C6orf47: variants seen among roughly 807,000 people sequenced by gnomAD.
C6orf47 encodes uncharacterized protein C6orf47.
Under a neutral mutation model 5.6 loss-of-function variants are expected in C6orf47, and 1 was observed. The ratio of observed to expected loss-of-function variants is 0.18; its 90% CI spans 0.06 to 0.85. C6orf47 has a LOEUF of 0.85. Ranked by LOEUF, C6orf47 falls within the 40% of genes least tolerant of loss-of-function variation. The pLI, the probability that C6orf47 is intolerant of heterozygous loss-of-function variation, is 0.70. For missense variants in C6orf47, 323 were observed against 367.1 expected (o/e 0.88, Z 0.98); for synonymous variants, 149 against 161.7 (o/e 0.92, Z 0.60).
chr6:31,659,186 C>A lies in C6orf47; in HGVS notation c.762G>T (p.Gln254His). Reference sequence around the variant, plus strand: ...GGAGGCTGACAGCCAGCACCAAGGCCTGCAGGAGACCAAAGAGGCAGGCGA... The same window carrying A: ...GGAGGCTGACAGCCAGCACCAAGGCATGCAGGAGACCAAAGAGGCAGGCGA... ...LHFACLFGLL[Q>H]ALVLAVSLRE... Residue 254 changes from glutamine (Q) to histidine (H), a missense_variant, in exon 1 of 1, where the codon CAG (glutamine) becomes CAT (histidine). Transcript: ENST00000375911. The surrounding 1 kb of genome is among the most constrained non-coding windows in gnomAD (Gnocchi z 5.6). 2 of 1,613,080 alleles carry A rather than the reference C, an allele frequency of 1.2e-6. No individual in the cohort carries two copies. The highest frequency in any genetic ancestry group is 1.6e-4 in the Middle Eastern group (1 of 6,062).
rs1800689375 is a variant in C6orf47, at chr6:31,660,456, G to A, written c.-509C>T. On this transcript the variant is annotated 5_prime_UTR_variant, in exon 1 of 1. Coordinates refer to ENST00000375911, the MANE Select transcript of C6orf47 (RefSeq NM_021184.4). This position sits in a 1 kb window ranked among gnomAD's most constrained non-coding sequence, Gnocchi z 4.7. ...AACTGCTGCCCCAAGGGACCTCAAG[G>A]AATAGGAATTCTCTTTGTTAGGAGG... 1 of 173,352 alleles carries A rather than the reference G, an allele frequency of 5.8e-6. No individual in the cohort carries two copies. Among genetic ancestry groups the A allele is most frequent in the Admixed American group, 6.4e-5 (1 of 15,554 alleles). 10.7% of individuals were successfully genotyped at this position (173,352 alleles called of 1,614,324 possible).
In C6orf47 at chr6:31,658,961, T is replaced by C; in HGVS notation, c.*102A>G. On this transcript the variant is annotated 3_prime_UTR_variant, in exon 1 of 1. Transcript: ENST00000375911. Reference sequence around the variant, plus strand: ...GGGCCCTGCACCCTCGTACTCGGGTTTCTTCCCCATCCCTGAGGTCCCTAT... The same window carrying C: ...GGGCCCTGCACCCTCGTACTCGGGTCTCTTCCCCATCCCTGAGGTCCCTAT... 1 of 1,388,816 alleles carries C rather than the reference T, an allele frequency of 7.2e-7. No homozygotes were observed. The highest frequency in any genetic ancestry group is 1.3e-5 in the South Asian group (1 of 75,052). The allele number at this position is 1,388,816 out of a possible 1,614,324, so 86.0% of individuals were successfully genotyped here.
rs1015885964 is a variant in C6orf47 at position 31,660,275 on chromosome 6, T to A, written c.-328A>T. ...TCACCACCAGAGAGTCCTCTCTGCGTTTCCGGATTTCCTTCCCAGCAGGCA... is the reference window on the plus strand; with the variant it reads ...TCACCACCAGAGAGTCCTCTCTGCGATTCCGGATTTCCTTCCCAGCAGGCA... On this transcript the variant is annotated 5_prime_UTR_variant, in exon 1 of 1. Transcript: ENST00000375911. This position sits in a 1 kb window ranked among gnomAD's most constrained non-coding sequence, Gnocchi z 4.7. 1.3e-4 allele frequency: 44 copies of A among 349,710 alleles called. 1 individual carries two copies. Among genetic ancestry groups the A allele is most frequent in the Non-Finnish European group, 2.1e-4 (38 of 184,544 alleles). 21.7% of individuals were successfully genotyped at this position (349,710 alleles called of 1,614,324 possible). A position where few individuals can be genotyped will look rare whatever the true frequency, so the allele number is the denominator to read the frequency against.
Position 31,659,924 on chromosome 6 carries a change from GCCA to G in C6orf47, c.21_23del (p.Gly8del). 3 of 1,582,190 alleles carry G rather than the reference GCCA, an allele frequency of 1.9e-6. No individual in the cohort carries two copies. Among genetic ancestry groups the G allele is most frequent in the Non-Finnish European group, 2.6e-6 (3 of 1,163,186 alleles). ...GGCGGCCCCAAGGGCGAGGTAGCCA[GCCA>G]CCAAGCCGTCGCAGGAACATGGCTG... On this transcript the variant is annotated inframe_deletion, in exon 1 of 1. Coordinates refer to ENST00000375911, the MANE Select transcript of C6orf47 (RefSeq NM_021184.4). The surrounding 1 kb of genome is among the most constrained non-coding windows in gnomAD (Gnocchi z 5.6).
At position 31,659,083 on chromosome 6, in the gene C6orf47, C is replaced by T. The variant is rs1307790164; in HGVS notation, c.865G>A (p.Asp289Asn). 3 of 1,612,448 alleles carry T rather than the reference C, an allele frequency of 1.9e-6. No homozygotes were observed. Among genetic ancestry groups the T allele is most frequent in the African/African-American group, 2.7e-5 (2 of 74,916 alleles). Residue 289 changes from aspartate (D) to asparagine (N), a missense_variant, in exon 1 of 1, where the codon GAC becomes AAC. Transcript: ENST00000375911. The surrounding 1 kb of genome is among the most constrained non-coding windows in gnomAD (Gnocchi z 5.6). Reference protein sequence around the residue: ...LEREGEEQRGDPGKGL With the variant: ...LEREGEEQRGNPGKGL ...CACGGTCACAGCCCCTTTCCCGGGTCTCCCCTCTGCTCCTCACCTTCCCTC... is the reference window on the plus strand; with the variant it reads ...CACGGTCACAGCCCCTTTCCCGGGTTTCCCCTCTGCTCCTCACCTTCCCTC...
In C6orf47 at chr6:31,659,748, G is replaced by A. The variant is rs147717825; in HGVS notation, c.200C>T (p.Ser67Phe). The change falls in exon 1 of 1, where the codon TCT becomes TTT. Residue 67 changes from serine (S) to phenylalanine (F), a missense_variant. By Grantham distance (155) the Ser-to-Phe change is radical. Coordinates refer to ENST00000375911, the MANE Select transcript of C6orf47 (RefSeq NM_021184.4). This position sits in a 1 kb window ranked among gnomAD's most constrained non-coding sequence, Gnocchi z 5.6. The stretch of plus-strand genomic sequence containing the variant: ...CTTGCTTGGTTCGGAAGCAGCCCCA[G>A]AAACCCTCAATGCCCCCGAGTCCTT... ...KTKDSGALRVSGAASEPSKEE... is the reference protein window; with the variant it reads ...KTKDSGALRVFGAASEPSKEE... 2.5e-6 allele frequency: 4 copies of A among 1,612,920 alleles called. No individual in the cohort carries two copies. In the African/African-American group the frequency reaches 5.3e-5, roughly 22 times the overall value.
rs1800534741 is a variant in C6orf47 at position 31,659,388 on chromosome 6, A to G, written c.560T>C (p.Leu187Pro). ...QISTNLTLHL[L>P]ELLASALLAL... is the part of the protein sequence containing the mutation. The stretch of plus-strand genomic sequence containing the variant: ...CAGCAGGGCAGAGGCCAGCAGCTCC[A>G]GAAGATGCAGGGTCAGGTTGGTGGA... The change falls in exon 1 of 1, where the codon CTG becomes CCG. Residue 187 changes from leucine to proline, a missense_variant. By Grantham distance (98) the Leu-to-Pro change is moderately conservative. Transcript: ENST00000375911. This position sits in a 1 kb window ranked among gnomAD's most constrained non-coding sequence, Gnocchi z 5.6. 1 of 1,613,088 alleles carries G rather than the reference A, an allele frequency of 6.2e-7. No individual in the cohort carries two copies. Among genetic ancestry groups the G allele is most frequent in the Non-Finnish European group, 8.5e-7 (1 of 1,180,010 alleles).
Position 31,660,775 on chromosome 6 carries a change from G to A in C6orf47, c.-828C>T, listed in dbSNP as rs1407133822. On this transcript the variant is annotated 5_prime_UTR_variant, in exon 1 of 1. Coordinates refer to ENST00000375911, the MANE Select transcript of C6orf47 (RefSeq NM_021184.4). The surrounding 1 kb of genome is among the most constrained non-coding windows in gnomAD (Gnocchi z 4.7). ...CGAAGCCCGGAAGCAGCTGCACCAG[G>A]ACTGGAAGGACCCGCGGGGGCGGTG... is the stretch of plus-strand genomic sequence containing the variant. The A allele has an allele frequency of 6.4e-6, 1 of 156,102 alleles. No homozygotes were observed. 9.7% of individuals were successfully genotyped at this position (156,102 alleles called of 1,614,324 possible).
Position 31,658,561 on chromosome 6 carries a change from TG to T in C6orf47, c.*501del. The T allele has an allele frequency of 4.8e-6, 1 of 206,936 alleles. No individual in the cohort carries two copies. Among genetic ancestry groups the T allele is most frequent in the Non-Finnish European group, 9.8e-6 (1 of 102,348 alleles). 12.8% of individuals were successfully genotyped at this position (206,936 alleles called of 1,614,324 possible). On this transcript the variant is annotated 3_prime_UTR_variant, in exon 1 of 1. Coordinates refer to ENST00000375911, the MANE Select transcript of C6orf47 (RefSeq NM_021184.4). ...CGCCCTGCAGGCTCCCTGTCACCTG[TG>T]GGGCCCTATCCAGACCCCCTAATCC...
Position 31,659,261 on chromosome 6 carries a change from C to T in C6orf47, c.687G>A (p.Leu229=). ...GGCTCAGAACAGCATGGAGCCCATGCAGGGCAGCCAGGAAGGACAGTAGGC... is the reference window on the plus strand; with the variant it reads ...GGCTCAGAACAGCATGGAGCCCATGTAGGGCAGCCAGGAAGGACAGTAGGC... The part of the protein sequence containing the change: ...LHGLLSFLAA[L]HGLHAVLSLL... The change falls in exon 1 of 1, where the codon CTG becomes CTA. Residue 229 remains leucine (L), a synonymous_variant. Transcript: ENST00000375911. This position sits in a 1 kb window ranked among gnomAD's most constrained non-coding sequence, Gnocchi z 5.6. 6.2e-7 allele frequency: 1 copy of T among 1,612,946 alleles called. No homozygotes were observed. The highest frequency in any genetic ancestry group is 8.5e-7 in the Non-Finnish European group (1 of 1,179,942).
In C6orf47 at chr6:31,659,701, G is replaced by C; in HGVS notation, c.247C>G (p.Leu83Val). The C allele has an allele frequency of 6.2e-7, 1 of 1,613,068 alleles. No individual in the cohort carries two copies. Among genetic ancestry groups the C allele is most frequent in the Non-Finnish European group, 8.5e-7 (1 of 1,180,026 alleles). Residue 83 changes from leucine (L) to valine (V), a missense_variant, in exon 1 of 1, where the codon CTA becomes GTA. Transcript: ENST00000375911. This position sits in a 1 kb window ranked among gnomAD's most constrained non-coding sequence, Gnocchi z 5.6. ...PSKEEPQVEQ[L>V]GSKRMDSLKW... Reference sequence around the variant, plus strand: ...AGGGAATCCATTCTTTTGCTCCCTAGCTGCTCAACTTGGGGCTCCTCCTTG... The same window carrying C: ...AGGGAATCCATTCTTTTGCTCCCTACCTGCTCAACTTGGGGCTCCTCCTTG...
In C6orf47 at chr6:31,658,338, C is replaced by A. The variant is rs1229444098; in HGVS notation, c.*725G>T. The stretch of plus-strand genomic sequence containing the variant: ...AAGAACAGAGTGGCAGTAACTCTCA[C>A]TTTGTAGTGGTATATTTAGGATTTG... On this transcript the variant is annotated 3_prime_UTR_variant, in exon 1 of 1. Coordinates refer to ENST00000375911, the MANE Select transcript of C6orf47 (RefSeq NM_021184.4). 6 of 579,136 alleles carry A rather than the reference C, an allele frequency of 1.0e-5. No individual in the cohort carries two copies. Among genetic ancestry groups the A allele is most frequent in the Non-Finnish European group, 1.8e-5 (6 of 324,880 alleles). The allele number at this position is 579,136 out of a possible 1,614,324, so 35.9% of individuals were successfully genotyped here. A position where few individuals can be genotyped will look rare whatever the true frequency, so the allele number is the denominator to read the frequency against.
chr6:31,658,441 C>T lies in C6orf47; in HGVS notation c.*622G>A, dbSNP rs1275810933. ...GGACTACAGGCTTCAGTGCTTCCCC[C>T]ACACTGCCTGAGCTACCAGCCCTTC... is the stretch of plus-strand genomic sequence containing the variant. On this transcript the variant is annotated 3_prime_UTR_variant, in exon 1 of 1. Coordinates refer to ENST00000375911, the MANE Select transcript of C6orf47 (RefSeq NM_021184.4). The T allele has an allele frequency of 7.8e-6, 3 of 382,242 alleles. No individual in the cohort carries two copies. The highest frequency in any genetic ancestry group is 3.0e-5 in the South Asian group (1 of 33,488). 23.7% of individuals were successfully genotyped at this position (382,242 alleles called of 1,614,324 possible).
rs923078454 is a variant in C6orf47, at chr6:31,658,934, G to T, written c.*129C>A. On this transcript the variant is annotated 3_prime_UTR_variant, in exon 1 of 1. Transcript: ENST00000375911. ...GTTCTGTTCTCTCCTGTGTATGAAGGGGGGCCCTGCACCCTCGTACTCGGG... is the reference window on the plus strand; with the variant it reads ...GTTCTGTTCTCTCCTGTGTATGAAGTGGGGCCCTGCACCCTCGTACTCGGG... 1.9e-6 allele frequency: 2 copies of T among 1,025,642 alleles called. No individual in the cohort carries two copies. The highest frequency in any genetic ancestry group is 1.5e-5 in the South Asian group (1 of 64,870). The allele number at this position is 1,025,642 out of a possible 1,614,324, so 63.5% of individuals were successfully genotyped here.
chr6:31,658,757 C>G lies in C6orf47; in HGVS notation c.*306G>C. On this transcript the variant is annotated 3_prime_UTR_variant, in exon 1 of 1. Transcript: ENST00000375911. ...GAGAGGACCCTTTGGTCTTTATTCA[C>G]CACCATCATACTTTTTTTTTTTTTT... is the stretch of plus-strand genomic sequence containing the variant. 1 of 381,082 alleles carries G rather than the reference C, an allele frequency of 2.6e-6. No homozygotes were observed. The highest frequency in any genetic ancestry group is 2.1e-5 in the African/African-American group (1 of 47,170). The allele number at this position is 381,082 out of a possible 1,614,324, so 23.6% of individuals were successfully genotyped here.
At position 31,659,428 on chromosome 6, in the gene C6orf47, C is replaced by T. The variant is rs1800543647; in HGVS notation, c.520G>A (p.Glu174Lys). 1 of 1,613,044 alleles carries T rather than the reference C, an allele frequency of 6.2e-7. No individual in the cohort carries two copies. Among genetic ancestry groups the T allele is most frequent in the South Asian group, 1.1e-5 (1 of 91,074 alleles). ...APSRYLGGPE[E>K]CLQISTNLTL... ...AGGTTGGTGGAGATCTGCAGACACTCTTCTGGGCCCCCCAAGTACCGGGAG... is the reference window on the plus strand; with the variant it reads ...AGGTTGGTGGAGATCTGCAGACACTTTTCTGGGCCCCCCAAGTACCGGGAG... The change falls in exon 1 of 1, where the codon GAG (glutamate) becomes AAG (lysine). Residue 174 changes from glutamate to lysine, a missense_variant. Physicochemically the swap from Glu to Lys is moderately conservative, Grantham distance 56. Coordinates refer to ENST00000375911, the MANE Select transcript of C6orf47 (RefSeq NM_021184.4). The surrounding 1 kb of genome is among the most constrained non-coding windows in gnomAD (Gnocchi z 5.6).
chr6:31,659,311 C>T lies in C6orf47; in HGVS notation c.637G>A (p.Gly213Arg), dbSNP rs1800520317. 1.2e-6 allele frequency: 2 copies of T among 1,613,068 alleles called. No homozygotes were observed. Among genetic ancestry groups the T allele is most frequent in the Non-Finnish European group, 1.7e-6 (2 of 1,179,990 alleles). The change falls in exon 1 of 1, where the codon GGA (glycine) becomes AGA (arginine). Residue 213 changes from glycine to arginine, a missense_variant. Physicochemically the swap from Gly to Arg is moderately radical, Grantham distance 125. Transcript: ENST00000375911. The surrounding 1 kb of genome is among the most constrained non-coding windows in gnomAD (Gnocchi z 5.6). ...CCATGTAGCCAGAGGCCCAGCGGTC[C>T]ACGCAGGCCCAGTGTGTCCAAGGCT... is the stretch of plus-strand genomic sequence containing the variant. ...RAALDTLGLR[G>R]PLGLWLHGLL...
Position 31,659,505 on chromosome 6 carries a change from G to C in C6orf47, c.443C>G (p.Pro148Arg). Residue 148 changes from proline to arginine, a missense_variant, in exon 1 of 1, where the codon CCT (proline) becomes CGT (arginine). Physicochemically the swap from Pro to Arg is moderately radical, Grantham distance 103. Coordinates refer to ENST00000375911, the MANE Select transcript of C6orf47 (RefSeq NM_021184.4). The surrounding 1 kb of genome is among the most constrained non-coding windows in gnomAD (Gnocchi z 5.6). Reference sequence around the variant, plus strand: ...GCCCAACAGCTTCTCACGCCTACCAGGTTTCTCCAATGGGGCTCCTGGCCC... The same window carrying C: ...GCCCAACAGCTTCTCACGCCTACCACGTTTCTCCAATGGGGCTCCTGGCCC... ...VPGPGAPLEK[P>R]GRREKLLGWL... 6.2e-7 allele frequency: 1 copy of C among 1,613,122 alleles called. No individual in the cohort carries two copies. Among genetic ancestry groups the C allele is most frequent in the Non-Finnish European group, 8.5e-7 (1 of 1,180,050 alleles).
In C6orf47 at chr6:31,659,104, C is replaced by T. The variant is rs1035256936; in HGVS notation, c.844G>A (p.Glu282Lys). 7 of 1,612,978 alleles carry T rather than the reference C, an allele frequency of 4.3e-6. No homozygotes were observed. The highest frequency in any genetic ancestry group is 5.9e-6 in the Non-Finnish European group (7 of 1,180,034). ...GGGTCTCCCCTCTGCTCCTCACCTT[C>T]CCTCTCCAACCCCTCACTCTCCCAG... Reference protein sequence around the residue: ...TDWESEGLEREGEEQRGDPGK... With the variant: ...TDWESEGLERKGEEQRGDPGK... Residue 282 changes from glutamate to lysine, a missense_variant, in exon 1 of 1, where the codon GAA becomes AAA. By Grantham distance (56) the Glu-to-Lys change is moderately conservative (BLOSUM62 1). Transcript: ENST00000375911. The surrounding 1 kb of genome is among the most constrained non-coding windows in gnomAD (Gnocchi z 5.6).
Sources: gnomAD v4.1 joint callset for allele counts on GRCh38, gnomAD v4.1.1 for gene constraint, Gnocchi (gnomAD v3.1) non-coding constraint, MANE v1.5 for transcripts, NCBI Gene and HGNC (gene_info 2026-07-23, HGNC 2026-07-21) for gene names.